Variants in ZP1 observed in about 807,000 individuals in gnomAD.
The protein encoded by ZP1 is zona pellucida glycoprotein 1.
ZP1 carries 58 observed loss-of-function variants against 67.4 expected under a neutral mutation model. The ratio of observed to expected loss-of-function variants is 0.86; its 90% CI spans 0.70 to 1.07. ZP1 has a LOEUF of 1.07. Ranked by LOEUF, ZP1 falls within the 50% of genes least tolerant of loss-of-function variation. The probability of loss-of-function intolerance (pLI) is 0.00; values close to 1 mark genes in which losing one functional copy is unlikely to be tolerated. For missense variants in ZP1, 759 were observed against 807.3 expected (o/e 0.94, Z 0.72); for synonymous variants, 333 against 332.7 (o/e 1.00, Z -0.01).
At chr11:60,874,823 C>A in intron 9 of ZP1, 110 bp from the exon 10 acceptor site, 1 of 1,007,024 alleles carries the variant, frequency 9.9e-7, no homozygotes, top group South Asian at 1.4e-5. Flanking sequence ...CCCTGCCTGG[C>A]TAGCAGCAGC....
In ZP1 at chr11:60,875,011, A is replaced by G. The variant is rs779562512; in HGVS notation, c.1651A>G (p.Thr551Ala). Residue 551 changes from threonine to alanine, a missense_variant, in exon 10 of 12, where the codon ACA (threonine) becomes GCA (alanine). Transcript: ENST00000278853. The stretch of plus-strand genomic sequence containing the variant: ...CTCCACTGCATGTAGCACTGGCACT[A>G]CAAGTGAGTCTGGGTTGCGAGTGGT... Reference protein sequence around the residue: ...TCSTACSTGTTRQRRSSGHRN... With the variant: ...TCSTACSTGTARQRRSSGHRN... 4 of 1,614,228 alleles carry G rather than the reference A, an allele frequency of 2.5e-6. 1 individual carries two copies. The highest frequency in any genetic ancestry group is 2.2e-5 in the South Asian group (2 of 91,092).
chr11:60,871,735 G>A (rs1174410485), intron 6 of ZP1, among the ~76,000 whole-genome samples: 2 of 152,220 alleles, frequency 1.3e-5, no homozygotes, highest in Non-Finnish European at 2.9e-5. Flanking sequence ...AGATGAAGCT[G>A]AAGATACCTC....
At chr11:60,871,358 T>C (rs376630078) in intron 6 of ZP1, 44 bp downstream of exon 6, 11 of 1,599,572 alleles carry the variant, frequency 6.9e-6, no homozygotes, top group Non-Finnish European at 6.8e-6. Context: ...TGTGCTAGGG[T>C]GTCAGGGGCA....
intron 9 of ZP1, among the ~76,000 whole-genome samples, chr11:60,874,368 G>C (rs1181695126): frequency 1.3e-5 from 2 of 152,210 alleles, no homozygotes; most frequent in African/African-American, 4.8e-5. Context: ...TGGGTGCTGG[G>C]TTGGGTCAGC....
rs771511588 is a variant in ZP1 at position 60,869,216 on chromosome 11, G to A, written c.268G>A (p.Glu90Lys). 20 of 1,614,206 alleles carry A rather than the reference G, an allele frequency of 1.2e-5. No homozygotes were observed. In the South Asian group the frequency reaches 2.1e-4, roughly 17 times the overall value. ...CYHWVTSRPQ[E>K]PAVFSADYRG... ...CCACTGGGTCACCTCCAGGCCGCAG[G>A]AGCCTGCAGTCTTCTCGGCCGATTA... Residue 90 changes from glutamate to lysine, a missense_variant, in exon 2 of 12, where the codon GAG (glutamate) becomes AAG (lysine). Transcript: ENST00000278853.
chr11:60,873,506 T>G lies in ZP1; in HGVS notation c.1372T>G (p.Trp458Gly). Residue 458 changes from tryptophan to glycine, a missense_variant, in exon 8 of 12, where the codon TGG becomes GGG. Coordinates refer to ENST00000278853, the MANE Select transcript of ZP1 (RefSeq NM_207341.4). ...CCTGGTCCTGCTGCTGCACCAGTGCTGGGGCGCTCCCAGTGCCAACCCCTT... is the reference window on the plus strand; with the variant it reads ...CCTGGTCCTGCTGCTGCACCAGTGCGGGGGCGCTCCCAGTGCCAACCCCTT... ...PNLVLLLHQCWGAPSANPFQQ... is the reference protein window; with the variant it reads ...PNLVLLLHQCGGAPSANPFQQ... The G allele has an allele frequency of 1.2e-6, 2 of 1,613,422 alleles. No homozygotes were observed. Among genetic ancestry groups the G allele is most frequent in the Non-Finnish European group, 1.7e-6 (2 of 1,179,644 alleles).
At chr11:60,872,347 G>A (rs1855588608) in intron 6 of ZP1, among the ~76,000 whole-genome samples, 1 of 152,202 alleles carries the variant, frequency 6.6e-6, no homozygotes, top group Non-Finnish European at 1.5e-5. Context: ...TCAGAGGGAG[G>A]CAGAAGTCAG....
Position 60,869,626 on chromosome 11 carries a change from C to A in ZP1, c.408C>A (p.Pro136=), listed in dbSNP as rs374259889. 1 of 1,614,162 alleles carries A rather than the reference C, an allele frequency of 6.2e-7. No individual in the cohort carries two copies. ...CACAAGACGCTACTCTGATCTGTCC[C>A]AAACCTGACCCCTCCCGGACTCTGG... ...DVAQDATLIC[P]KPDPSRTLDS... is the part of the protein sequence containing the mutation. The change falls in exon 3 of 12, where the codon CCC becomes CCA. Residue 136 remains proline (P), a synonymous_variant. Transcript: ENST00000278853.
intron 3 of ZP1, 72 bp from the exon 4 acceptor site, chr11:60,870,260 C>A: frequency 6.4e-6 from 9 of 1,398,420 alleles, no homozygotes; most frequent in Non-Finnish European, 8.4e-6. Flanking sequence ...GAGCAGGTTC[C>A]CAAGATTCAA....
Position 60,869,805 on chromosome 11 carries a change from T to C in ZP1, c.587T>C (p.Leu196Ser). The C allele has an allele frequency of 6.2e-7, 1 of 1,613,520 alleles. No homozygotes were observed. The highest frequency in any genetic ancestry group is 1.3e-5 in the African/African-American group (1 of 75,032). ...AGCTCTGTCCACCCAACCCCTGCTT[T>C]ACCATCCCCTGGACCTGGACCTACC... ...GHSSVHPTPALPSPGPGPTLA... is the reference protein window; with the variant it reads ...GHSSVHPTPASPSPGPGPTLA... Residue 196 changes from leucine (L) to serine (S), a missense_variant, in exon 3 of 12, where the codon TTA becomes TCA. Leu to Ser is a moderately radical substitution (Grantham distance 145, BLOSUM62 -2). Coordinates refer to ENST00000278853, the MANE Select transcript of ZP1 (RefSeq NM_207341.4).
chr11:60,875,145 A>T lies in ZP1; in HGVS notation c.1671A>T (p.Ser557=). Residue 557 remains serine (S), a synonymous_variant, in exon 11 of 12, where the codon TCA becomes TCT. Transcript: ENST00000278853. ...STGTTRQRRS[S]GHRNDTARPQ... ...CCTGGGCAGGACAGCGACGATCCTCAGGTCACCGTAATGACACTGCCAGGC... is the reference window on the plus strand; with the variant it reads ...CCTGGGCAGGACAGCGACGATCCTCTGGTCACCGTAATGACACTGCCAGGC... The T allele has an allele frequency of 6.2e-7, 1 of 1,613,916 alleles. No homozygotes were observed. The highest frequency in any genetic ancestry group is 1.1e-5 in the South Asian group (1 of 91,084).
At chr11:60,869,463 T>G in intron 2 of ZP1, 74 bp from the exon 3 acceptor site, 1 of 1,537,000 alleles carries the variant, frequency 6.5e-7, no homozygotes, top group Non-Finnish European at 8.8e-7. Context: ...AGCTCAGCTC[T>G]CGTGGGCCCG....
In ZP1 at chr11:60,873,279, G is replaced by A. The variant is rs778999173; in HGVS notation, c.1230G>A (p.Arg410=). ...CCGGCCCCCTGCGGCTTGAGCTGCGGATTGCCAAAGGTATGCTATGCTATC... is the reference window on the plus strand; with the variant it reads ...CCGGCCCCCTGCGGCTTGAGCTGCGAATTGCCAAAGGTATGCTATGCTATC... ...TQPGPLRLEL[R]IAKDETFSSY... Residue 410 remains arginine (R), a synonymous_variant, in exon 7 of 12, where the codon CGG becomes CGA. Transcript: ENST00000278853. The A allele has an allele frequency of 5.7e-6, 9 of 1,583,870 alleles. No homozygotes were observed. The highest frequency in any genetic ancestry group is 2.2e-5 in the East Asian group (1 of 44,482).
intron 9 of ZP1, 52 bp downstream of exon 9, chr11:60,873,827 G>A (rs1161215420): frequency 1.9e-6 from 3 of 1,604,724 alleles, no homozygotes; most frequent in East Asian, 2.2e-5. Flanking sequence ...AGTGGGAGGA[G>A]CTGGTCGCCA....
chr11:60,870,522 G>A, intron 4 of ZP1, 47 bp downstream of exon 4: 1 of 1,544,874 alleles, frequency 6.5e-7, no homozygotes, highest in South Asian at 1.3e-5. Flanking sequence ...GGATTCTGAA[G>A]CGGAAGGAGA....
chr11:60,868,563 A>T (rs1228300725), intron 1 of ZP1, among the ~76,000 whole-genome samples: 1 of 152,184 alleles, frequency 6.6e-6, no homozygotes, highest in Non-Finnish European at 1.5e-5. Context: ...GGCCGTGCTC[A>T]TGGAACAAGG....
rs769952684 is a variant in ZP1 at position 60,869,651 on chromosome 11, G to T, written c.433G>T (p.Asp145Tyr). The T allele has an allele frequency of 5.0e-6, 8 of 1,613,984 alleles. No homozygotes were observed. The highest frequency in any genetic ancestry group is 6.8e-6 in the Non-Finnish European group (8 of 1,180,032). ...CPKPDPSRTL[D>Y]SQLAPPAMFS... ...CAAACCTGACCCCTCCCGGACTCTG[G>T]ACTCCCAGCTGGCACCACCCGCCAT... Residue 145 changes from aspartate to tyrosine, a missense_variant, in exon 3 of 12, where the codon GAC becomes TAC. Coordinates refer to ENST00000278853, the MANE Select transcript of ZP1 (RefSeq NM_207341.4).
chr11:60,872,811 C>A (rs374139773), intron 6 of ZP1, among the ~76,000 whole-genome samples: 1 of 152,326 alleles, frequency 6.6e-6, no homozygotes, highest in East Asian at 1.9e-4. Context: ...AACTGTCAGG[C>A]TCCAGGGGCC....
intron 1 of ZP1, among the ~76,000 whole-genome samples, 197 bp downstream of exon 1, chr11:60,867,954 G>T (rs536163467): frequency 3.3e-5 from 5 of 152,236 alleles, no homozygotes; most frequent in Admixed American, 3.3e-4. Flanking sequence ...ACGTTAGTGT[G>T]CATGGGAAAC....
Sources: gnomAD v4.1 joint callset for allele counts (sites outside exome capture counted in the v4.1 genomes callset) on GRCh38, gnomAD v4.1.1 for gene constraint, MANE v1.5 for transcripts, NCBI Gene and HGNC (gene_info 2026-07-23, HGNC 2026-07-21) for gene names.